Variants in CSMD1 observed in about 807,000 individuals in gnomAD.
The protein encoded by CSMD1 is CUB and sushi domain-containing protein 1.
A neutral mutation model predicts 417.5 loss-of-function variants in CSMD1; 213 were observed. The observed-to-expected ratio is 0.51, with a 90% CI of 0.46 to 0.57. The LOEUF is 0.57. Ranked by LOEUF, CSMD1 falls within the 20% of genes least tolerant of loss-of-function variation. The probability of loss-of-function intolerance (pLI) is 0.00; values close to 1 mark genes in which losing one functional copy is unlikely to be tolerated. For missense variants in CSMD1, 6,923 were observed against 4,529.7 expected (o/e 1.53, Z -15.17); for synonymous variants, 2,862 against 1,736.8 (o/e 1.65, Z -16.11).
chr8:3,563,198 T>C (rs187581595), intron 10 of CSMD1, among the ~76,000 whole-genome samples: 46 of 152,232 alleles, frequency 3.0e-4, no homozygotes, highest in Non-Finnish European at 6.3e-4. Context: ...TTGGGTTTTT[T>C]GTTTGTTTTC....
chr8:4,139,698 GA>G (rs1319291911), intron 3 of CSMD1, among the ~76,000 whole-genome samples: 3 of 151,154 alleles, frequency 2.0e-5, no homozygotes, highest in Non-Finnish European at 4.4e-5. Context: ...TTAGAATGAT[GA>G]TTTTGGTGGG....
intron 3 of CSMD1, among the ~76,000 whole-genome samples, chr8:4,114,996 A>G (rs1238091877): frequency 2.6e-5 from 4 of 152,260 alleles, no homozygotes; most frequent in African/African-American, 9.6e-5. Context: ...AGATTATTAT[A>G]GAAACCTAGT....
intron 4 of CSMD1, among the ~76,000 whole-genome samples, chr8:4,007,270 C>T (rs1041356756): frequency 6.6e-6 from 1 of 152,186 alleles, no homozygotes; most frequent in Non-Finnish European, 1.5e-5. Context: ...GCTTACCAGG[C>T]CCTGAAAGGC....
intron 4 of CSMD1, among the ~76,000 whole-genome samples, chr8:4,019,624 T>C (rs115302058): frequency 0.011 from 1,666 of 152,270 alleles, 22 homozygotes; most frequent in East Asian, 0.055. Context: ...GTGATTTCCT[T>C]GAAATGCATG....
chr8:3,974,698 G>A (rs1047786774), intron 5 of CSMD1, among the ~76,000 whole-genome samples: 16 of 151,154 alleles, frequency 1.1e-4, no homozygotes, highest in Non-Finnish European at 1.5e-5. Context: ...ATAACAGAAT[G>A]AAAATTTTAT....
chr8:3,756,797 A>ATT (rs1584951111), intron 5 of CSMD1, among the ~76,000 whole-genome samples: 1 of 141,786 alleles, frequency 7.1e-6, no homozygotes, highest in East Asian at 2.1e-4. Flanking sequence ...AACCAGGTGG[A>ATT]ATTTTTTTTT....
chr8:2,939,769 T>G (rs769444199), intron 69 of CSMD1, among the ~76,000 whole-genome samples: 1 of 152,242 alleles, frequency 6.6e-6, no homozygotes, highest in African/African-American at 2.4e-5. Context: ...ACTTTGTGAC[T>G]GCCCTTGGAG....
In CSMD1 at chr8:3,454,322, A is replaced by T. The variant is rs564801988; in HGVS notation, c.1561+14390T>A. On this transcript the variant is annotated intron_variant, in intron 12 of 69. Transcript: ENST00000635120. ...ATTTGGCCCATTTACATTTAAGGTT[A>T]ATATTGTTATGTGTGAATTTGATTC... Among the ~76,000 whole-genome samples the T allele has an allele frequency of 7.2e-5, 11 of 152,248 alleles. No homozygotes were observed. The South Asian group carries it at 2.3e-3, about 32-fold the overall frequency.
intron 3 of CSMD1, among the ~76,000 whole-genome samples, chr8:4,125,671 G>C (rs1436282139): frequency 2.0e-5 from 3 of 152,196 alleles, no homozygotes; most frequent in Non-Finnish European, 4.4e-5. Context: ...TAACCTTTAA[G>C]TTGTCCTTGT....
intron 5 of CSMD1, among the ~76,000 whole-genome samples, chr8:3,886,629 T>A (rs1022079102): frequency 2.0e-5 from 3 of 152,146 alleles, no homozygotes; most frequent in Non-Finnish European, 2.9e-5. Flanking sequence ...AGGCTGCAGT[T>A]TGCTGAGTAG....
intron 3 of CSMD1, among the ~76,000 whole-genome samples, chr8:4,086,213 C>T (rs1485022024): frequency 1.3e-5 from 2 of 152,100 alleles, no homozygotes; most frequent in Non-Finnish European, 2.9e-5. Context: ...CAAAGTATCA[C>T]ATCACTCTTC....
chr8:4,109,596 G>C (rs1027777914), intron 3 of CSMD1, among the ~76,000 whole-genome samples: 33 of 152,136 alleles, frequency 2.2e-4, no homozygotes, highest in African/African-American at 6.8e-4. Context: ...AGGAGCATTT[G>C]CCTTTGGATA....
chr8:4,856,404 C>T (rs933855978), intron 1 of CSMD1, among the ~76,000 whole-genome samples: 4 of 142,966 alleles, frequency 2.8e-5, no homozygotes, highest in East Asian at 4.1e-4. Context: ...GGATCAAATT[C>T]ACACATAACA....
chr8:4,038,640 C>G (rs144506774), intron 3 of CSMD1, among the ~76,000 whole-genome samples: 1,885 of 152,192 alleles, frequency 0.012, 35 homozygotes, highest in African/African-American at 0.042. Context: ...GACATAAACT[C>G]TACTTTTAAT....
At chr8:3,904,375 T>A (rs1807966337) in intron 5 of CSMD1, among the ~76,000 whole-genome samples, 1 of 152,152 alleles carries the variant, frequency 6.6e-6, no homozygotes, top group Admixed American at 6.5e-5. Context: ...AACTCTTTAT[T>A]GCAATGGAAA....
chr8:4,270,572 CT>C (rs1804522674), intron 3 of CSMD1, among the ~76,000 whole-genome samples: 1 of 152,168 alleles, frequency 6.6e-6, no homozygotes, highest in African/African-American at 2.4e-5. Context: ...TGTTTGATGA[CT>C]ACACATTTTA....
intron 3 of CSMD1, among the ~76,000 whole-genome samples, chr8:4,144,877 A>C (rs1044835859): frequency 6.6e-6 from 1 of 151,024 alleles, no homozygotes; most frequent in Non-Finnish European, 1.5e-5. Context: ...GGAGAAGCTG[A>C]AATAGAACTA....
chr8:4,347,905 G>C (rs1431832634), intron 3 of CSMD1, among the ~76,000 whole-genome samples: 1 of 151,926 alleles, frequency 6.6e-6, no homozygotes, highest in African/African-American at 2.4e-5. Flanking sequence ...AAAATAAAAA[G>C]TTAAATAAAC....
At chr8:4,009,629 A>C (rs1424615790) in intron 4 of CSMD1, among the ~76,000 whole-genome samples, 1 of 152,202 alleles carries the variant, frequency 6.6e-6, no homozygotes, top group African/African-American at 2.4e-5. Flanking sequence ...CAGGAAAGAA[A>C]TAAGAAATAC....
Sources: allele counts gnomAD v4.1 joint callset (sites outside exome capture counted in the v4.1 genomes callset), GRCh38; gene constraint gnomAD v4.1.1; transcripts MANE v1.5; gene names NCBI Gene and HGNC (gene_info 2026-07-23, HGNC 2026-07-21).